BRINP2: variants seen among roughly 807,000 people sequenced by gnomAD.
The protein encoded by BRINP2 is BMP/retinoic acid-inducible neural-specific protein 2.
A neutral mutation model predicts 69.2 loss-of-function variants in BRINP2; 21 were observed. The observed-to-expected ratio is 0.30, with a 90% CI of 0.22 to 0.44. BRINP2 has a LOEUF of 0.44. Among genes scored for constraint, BRINP2 ranks in the 20% least tolerant of loss-of-function variants. BRINP2 has a pLI of 1.00. For synonymous variants in BRINP2, 380 were observed against 394.1 expected (o/e 0.96, Z 0.42); for missense variants, 877 against 986.0 (o/e 0.89, Z 1.48).
At chr1:177,266,833 AG>A (rs1651144569) in intron 4 of BRINP2, among the ~76,000 whole-genome samples, 1 of 151,836 alleles carries the variant, frequency 6.6e-6, no homozygotes, top group Admixed American at 6.6e-5. Flanking sequence ...CTCCCAAGGT[AG>A]TCAAATGCCC....
chr1:177,183,885 A>T (rs1648339047), intron 1 of BRINP2, among the ~76,000 whole-genome samples: 1 of 152,336 alleles, frequency 6.6e-6, no homozygotes, highest in African/African-American at 2.4e-5. Flanking sequence ...CATGTTTTCC[A>T]TTACTGCTAG....
intron 1 of BRINP2, among the ~76,000 whole-genome samples, chr1:177,209,087 AC>A (rs1649151165): frequency 6.6e-6 from 1 of 152,122 alleles, no homozygotes; most frequent in Admixed American, 6.5e-5. Flanking sequence ...GTTCCGCTCA[AC>A]AACACAGGGT....
At chr1:177,242,157 C>T (rs931953401) in intron 2 of BRINP2, among the ~76,000 whole-genome samples, 5 of 152,272 alleles carry the variant, frequency 3.3e-5, no homozygotes, top group African/African-American at 1.2e-4. Context: ...TAGATTCTAT[C>T]GCAGAACTGT....
intron 4 of BRINP2, among the ~76,000 whole-genome samples, chr1:177,265,362 A>G (rs558398309): frequency 1.3e-5 from 2 of 152,284 alleles, no homozygotes; most frequent in South Asian, 4.1e-4. Flanking sequence ...TAGGCAATAT[A>G]ATCATTCTCT....
intron 4 of BRINP2, among the ~76,000 whole-genome samples, chr1:177,257,588 A>G (rs913224937): frequency 3.3e-5 from 5 of 152,222 alleles, no homozygotes; most frequent in Non-Finnish European, 5.9e-5. Context: ...ACTCTGAGGC[A>G]GGCTACAGCA....
At chr1:177,260,869 T>A (rs1650925444) in intron 4 of BRINP2, among the ~76,000 whole-genome samples, 1 of 152,116 alleles carries the variant, frequency 6.6e-6, no homozygotes, top group African/African-American at 2.4e-5. Context: ...TGCTTTATTG[T>A]GATATTTGCT....
At chr1:177,276,099 G>A in intron 5 of BRINP2, 99 bp from the exon 6 acceptor site, 2 of 1,162,212 alleles carry the variant, frequency 1.7e-6, no homozygotes, top group Admixed American at 1.8e-5. Flanking sequence ...GGATGCACAA[G>A]TCAGCAGAAC....
At chr1:177,226,775 A>G (rs1421494573) in intron 1 of BRINP2, among the ~76,000 whole-genome samples, 2 of 152,156 alleles carry the variant, frequency 1.3e-5, no homozygotes, top group Non-Finnish European at 2.9e-5. Flanking sequence ...TCTTAAGGTC[A>G]TATGACTGAG....
chr1:177,193,390 A>G (rs1163423103), intron 1 of BRINP2, among the ~76,000 whole-genome samples: 2 of 152,200 alleles, frequency 1.3e-5, no homozygotes, highest in African/African-American at 4.8e-5. Flanking sequence ...GACAAAAATC[A>G]TCTGTGTTAT....
intron 1 of BRINP2, among the ~76,000 whole-genome samples, chr1:177,203,846 AC>A (rs1419600605): frequency 6.6e-6 from 1 of 152,250 alleles, no homozygotes; most frequent in Admixed American, 6.5e-5. Context: ...CATAATTGAA[AC>A]GTGCTATGAG....
rs199916624 is a variant in BRINP2, at chr1:177,276,228, G to A, written c.806G>A (p.Arg269His). ...CAGGTGCTGCTGCCTGAGTATCTGCGTGAGCGCTTTGTAGCTGCAGCACTC... is the reference window on the plus strand; with the variant it reads ...CAGGTGCTGCTGCCTGAGTATCTGCATGAGCGCTTTGTAGCTGCAGCACTC... ...GLQVLLPEYL[R>H]ERFVAAALSY... Residue 269 changes from arginine (R) to histidine (H), a missense_variant, in exon 6 of 8, where the codon CGT becomes CAT. Arg to His is a conservative substitution (Grantham distance 29, BLOSUM62 0). Transcript: ENST00000361539. 299 of 1,614,054 alleles carry A rather than the reference G, an allele frequency of 1.9e-4. 2 individuals carry two copies. Among genetic ancestry groups the A allele is most frequent in the East Asian group, 2.7e-4 (12 of 44,880 alleles).
chr1:177,234,876 G>T (rs1649970150), intron 2 of BRINP2, among the ~76,000 whole-genome samples: 1 of 152,184 alleles, frequency 6.6e-6, no homozygotes, highest in Admixed American at 6.5e-5. Flanking sequence ...TTTGTAGAAT[G>T]AAACTGAACA....
chr1:177,275,218 C>A (rs768924585), intron 5 of BRINP2: 10 of 456,148 alleles, frequency 2.2e-5, no homozygotes, highest in East Asian at 1.4e-4. Flanking sequence ...TGGCTTGAAG[C>A]CAACTAGGAG....
rs769109879 is a variant in BRINP2, at chr1:177,280,597, G to A, written c.1421G>A (p.Ser474Asn). Residue 474 changes from serine to asparagine, a missense_variant, in exon 8 of 8, where the codon AGC (serine) becomes AAC (asparagine). Physicochemically the swap from Ser to Asn is conservative, Grantham distance 46. This residue lies in a region of BRINP2 where 566 missense variants were observed against 625.2 expected (regional missense o/e 0.91). Transcript: ENST00000361539. ...PACAHCAPDNSTRCGSCNPGY... is the reference protein window; with the variant it reads ...PACAHCAPDNNTRCGSCNPGY... ...TGTGCCCACTGTGCTCCAGACAATA[G>A]CACACGCTGTGGGAGCTGCAACCCG... is the stretch of plus-strand genomic sequence containing the variant. 26 of 1,614,152 alleles carry A rather than the reference G, an allele frequency of 1.6e-5. No individual in the cohort carries two copies. The South Asian group carries it at 2.9e-4, about 18-fold the overall frequency.
chr1:177,280,478 C>T lies in BRINP2; in HGVS notation c.1302C>T (p.Gly434=). ...LLYCGESTFP[G]TFLEQSHSCT... is the part of the protein sequence containing the mutation. ...ACTGTGGGGAAAGCACCTTTCCTGG[C>T]ACTTTCCTGGAACAGAGCCACAGCT... is the stretch of plus-strand genomic sequence containing the variant. Residue 434 remains glycine, a synonymous_variant, in exon 8 of 8, where the codon GGC becomes GGT. Transcript: ENST00000361539. 1 of 1,614,128 alleles carries T rather than the reference C, an allele frequency of 6.2e-7. No homozygotes were observed. The highest frequency in any genetic ancestry group is 1.1e-5 in the South Asian group (1 of 91,074).
chr1:177,230,376 A>G (rs1270344684), intron 2 of BRINP2, among the ~76,000 whole-genome samples: 1 of 152,238 alleles, frequency 6.6e-6, no homozygotes, highest in Non-Finnish European at 1.5e-5. Context: ...CTCCTGGGGA[A>G]CTTAGCAAAA....
At chr1:177,193,921 TA>T (rs1648665663) in intron 1 of BRINP2, among the ~76,000 whole-genome samples, 1 of 152,250 alleles carries the variant, frequency 6.6e-6, no homozygotes, top group African/African-American at 2.4e-5. Context: ...ATAACTCATT[TA>T]GGAGACGGAC....
Position 177,273,499 on chromosome 1 carries a change from C to A in BRINP2, c.681C>A (p.Thr227=). The change falls in exon 5 of 8, where the codon ACC becomes ACA. Residue 227 remains threonine (T), a synonymous_variant. Transcript: ENST00000361539. ...IATGAIKVTE[T]RTGPLGCSNY... is the part of the protein sequence containing the mutation. Reference sequence around the variant, plus strand: ...CCTTCCTTCTCTAGGTCACCGAGACCAGGACCGGTCCTCTGGGCTGCAGCA... The same window carrying A: ...CCTTCCTTCTCTAGGTCACCGAGACAAGGACCGGTCCTCTGGGCTGCAGCA... The A allele has an allele frequency of 6.2e-7, 1 of 1,610,126 alleles. No homozygotes were observed. Among genetic ancestry groups the A allele is most frequent in the East Asian group, 2.2e-5 (1 of 44,666 alleles).
In BRINP2 at chr1:177,235,680, A is replaced by G. The variant is rs1271787571; in HGVS notation, c.269+5535A>G. 3.3e-5 allele frequency among the ~76,000 whole-genome samples: 5 copies of G among 152,328 alleles called. No homozygotes were observed. The East Asian group carries it at 7.7e-4, about 24-fold the overall frequency. On this transcript the variant is annotated intron_variant, in intron 2 of 7. Transcript: ENST00000361539. Reference sequence around the variant, plus strand: ...AACAGCGAACCCTGGGAGAGGCACCATCTCCAATTAAGAGATCACAGTCCA... The same window carrying G: ...AACAGCGAACCCTGGGAGAGGCACCGTCTCCAATTAAGAGATCACAGTCCA...
Sources: gnomAD v4.1 joint callset for allele counts (sites outside exome capture counted in the v4.1 genomes callset) on GRCh38, gnomAD v4.1.1 for gene constraint, gnomAD v4.1.1 regional missense constraint, MANE v1.5 for transcripts, NCBI Gene and HGNC (gene_info 2026-07-23, HGNC 2026-07-21) for gene names.